Variants in DUX4 observed in about 807,000 individuals in gnomAD.
The protein encoded by DUX4 is double homeobox protein 4.
chr4:190,178,559 GCCC>G (rs1398486287), downstream of DUX4, among the ~76,000 whole-genome samples: 1 of 102,242 alleles, frequency 9.8e-6, no homozygotes, highest in Non-Finnish European at 2.2e-5. Context: ...ATTTCACAAC[GCCC>G]CCTGTAGGCA....
At chr4:190,181,549 G>GTTACATCACCTGGGTGATCAGTGCAGAT (rs1742581119) in intron 1 of DUX4, among the ~76,000 whole-genome samples, 1 of 110,018 alleles carries the variant, frequency 9.1e-6, no homozygotes, top group Non-Finnish European at 1.9e-5. Flanking sequence ...TCAATGCAGC[G>GTTACATCACCTGGGTGATCAGTGCAGAT]ATATGTCACT....
downstream of DUX4, among the ~76,000 whole-genome samples, chr4:190,178,054 A>T (rs1742402088): frequency 6.6e-6 from 1 of 151,856 alleles, no homozygotes; most frequent in African/African-American, 2.4e-5. Context: ...CACCTCGGTG[A>T]TCAGTGCAGA....
intron 1 of DUX4, among the ~76,000 whole-genome samples, chr4:190,183,679 C>T (rs1295843523): frequency 1.8e-5 from 2 of 111,996 alleles, no homozygotes; most frequent in Non-Finnish European, 2.1e-5. Flanking sequence ...AAACATCCTA[C>T]GTTCCAAAAG....
chr4:190,179,540 T>C (rs1579835624), downstream of DUX4, among the ~76,000 whole-genome samples: 20 of 139,970 alleles, frequency 1.4e-4, no homozygotes, highest in Non-Finnish European at 2.3e-4. Flanking sequence ...TAGACAAGAG[T>C]TATATCACCT....
intron 1 of DUX4, among the ~76,000 whole-genome samples, chr4:190,183,679 C>G (rs1295843523): frequency 8.9e-6 from 1 of 111,996 alleles, no homozygotes; most frequent in African/African-American, 2.6e-5. Flanking sequence ...AAACATCCTA[C>G]GTTCCAAAAG....
chr4:190,184,046 T>C (rs1347541203), intron 1 of DUX4, among the ~76,000 whole-genome samples: 8 of 127,592 alleles, frequency 6.3e-5, no homozygotes, highest in African/African-American at 2.0e-4. Flanking sequence ...CAGACATCCT[T>C]AAGGAAGGAG....
downstream of DUX4, among the ~76,000 whole-genome samples, chr4:190,176,407 T>C (rs1423785501): frequency 1.9e-5 from 2 of 106,366 alleles, 1 homozygote; most frequent in Non-Finnish European, 4.3e-5. Context: ...TTACATCACC[T>C]TGGGGATCAG....
chr4:190,181,728 A>C (rs1742592145), intron 1 of DUX4, among the ~76,000 whole-genome samples: 9 of 131,826 alleles, frequency 6.8e-5, no homozygotes, highest in South Asian at 2.5e-4. Context: ...CACAAGAGTT[A>C]CATCACCTGG....
At chr4:190,175,550 C>T (rs1579829906) in intron 1 of DUX4, 97 bp from the exon 2 acceptor site, 3 of 89,988 alleles carry the variant, frequency 3.3e-5, no homozygotes, top group African/African-American at 8.8e-5. Context: ...CCACCGTCGC[C>T]CGCCCGCCCG....
At chr4:190,178,920 A>G (rs1579834906), downstream of DUX4, among the ~76,000 whole-genome samples, 5 of 136,012 alleles carry the variant, frequency 3.7e-5, no homozygotes, top group East Asian at 2.3e-4. Context: ...CAGATCCAAG[A>G]CAAGAGTCCG....
chr4:190,177,867 A>ATAAAT (rs1742391443), downstream of DUX4, among the ~76,000 whole-genome samples: 3 of 151,280 alleles, frequency 2.0e-5, no homozygotes, highest in Non-Finnish European at 3.0e-5. Flanking sequence ...GAGATATGTC[A>ATAAAT]CAATGTCCCT....
chr4:190,176,834 A>AC (rs1742324206), downstream of DUX4, among the ~76,000 whole-genome samples: 1 of 127,452 alleles, frequency 7.8e-6, no homozygotes, highest in Admixed American at 8.7e-5. Context: ...CAGTGCATAG[A>AC]TATGTCACAA....
At chr4:190,178,885 A>AGACTTG (rs1415331305), downstream of DUX4, among the ~76,000 whole-genome samples, 2 of 99,478 alleles carry the variant, frequency 2.0e-5, no homozygotes, top group Non-Finnish European at 4.2e-5. Flanking sequence ...ATCAGTGCAG[A>AGACTTG]TCTATGTCAC....
chr4:190,176,800 C>A (rs1178256278), downstream of DUX4, among the ~76,000 whole-genome samples: 88 of 96,110 alleles, frequency 9.2e-4, no homozygotes, highest in Non-Finnish European at 1.4e-3. Flanking sequence ...AGTGCCTAGA[C>A]AAGAGTTGAA....
chr4:190,178,180 T>TCAAATGGGTGATCAGTGCAGAGA (rs1742407603), downstream of DUX4, among the ~76,000 whole-genome samples: 1 of 117,384 alleles, frequency 8.5e-6, no homozygotes, highest in African/African-American at 3.0e-5. Context: ...AAGAGTTACA[T>TCAAATGGGTGATCAGTGCAGAGA]TACCTGGGTG....
chr4:190,179,707 G>A (rs1579835872), downstream of DUX4, among the ~76,000 whole-genome samples: 1 of 152,400 alleles, frequency 6.6e-6, no homozygotes, highest in African/African-American at 2.4e-5. Context: ...GCAGAGATAT[G>A]TCTCAATCCC....
At chr4:190,176,451 G>A (rs1254378416), downstream of DUX4, among the ~76,000 whole-genome samples, 2 of 92,098 alleles carry the variant, frequency 2.2e-5, no homozygotes, top group Non-Finnish European at 5.0e-5. Flanking sequence ...TTGTAGGCAG[G>A]GCCTAGACAA....
downstream of DUX4, among the ~76,000 whole-genome samples, chr4:190,177,157 A>AGAGCTATGTCAAAACG (rs1742345485): frequency 2.0e-5 from 3 of 150,708 alleles, no homozygotes; most frequent in Non-Finnish European, 3.0e-5. Flanking sequence ...GAGTTACATC[A>AGAGCTATGTCAAAACG]CCTAGATGAT....
At chr4:190,177,464 C>CTT (rs1742368977), downstream of DUX4, among the ~76,000 whole-genome samples, 3 of 51,088 alleles carry the variant, frequency 5.9e-5, no homozygotes, top group South Asian at 1.3e-3. Context: ...TGTCACAAAG[C>CTT]CCCCTGTAGA....
Sources: allele counts gnomAD v4.1 joint callset (sites outside exome capture counted in the v4.1 genomes callset), GRCh38; gene constraint gnomAD v4.1.1; transcripts MANE v1.5; gene names NCBI Gene and HGNC (gene_info 2026-07-23, HGNC 2026-07-21).